HPSE: variants seen among roughly 807,000 people sequenced by gnomAD.
The protein encoded by HPSE is endo-glucoronidase.
A neutral mutation model predicts 65.1 loss-of-function variants in HPSE; 48 were observed. The observed-to-expected ratio is 0.74, with a 90% CI of 0.58 to 0.94. The LOEUF (loss-of-function observed/expected upper bound fraction) is 0.94. Among genes scored for constraint, HPSE ranks in the 40% least tolerant of loss-of-function variants. HPSE has a pLI of 0.00. For missense variants in HPSE, 644 were observed against 637.5 expected, an observed-to-expected ratio of 1.01 and a Z score of -0.11; for synonymous variants, 243 against 260.0, an observed-to-expected ratio of 0.93 and a Z score of 0.63.
intron 1 of HPSE, among the ~76,000 whole-genome samples, chr4:83,333,660 G>C (rs1737487050): frequency 6.6e-6 from 1 of 152,128 alleles, no homozygotes; most frequent in Admixed American, 6.5e-5. Flanking sequence ...ACCTGCATCA[G>C]GTTCCTTCTT....
intron 9 of HPSE, among the ~76,000 whole-genome samples, chr4:83,304,461 A>C (rs1345217126): frequency 6.6e-6 from 1 of 152,172 alleles, no homozygotes; most frequent in Non-Finnish European, 1.5e-5. Flanking sequence ...TAGTCTCCTA[A>C]AGTGGGTTCA....
chr4:83,323,705 T>A (rs1314867226), intron 1 of HPSE, among the ~76,000 whole-genome samples: 1 of 152,220 alleles, frequency 6.6e-6, no homozygotes, highest in African/African-American at 2.4e-5. Context: ...TATAGTATTC[T>A]AATTCCCATC....
chr4:83,313,012 ACTCTGTCTC>A (rs1736470126), intron 4 of HPSE, 93 bp downstream of exon 4: 1 of 827,830 alleles, frequency 1.2e-6, no homozygotes, highest in Non-Finnish European at 1.8e-6. Flanking sequence ...GCAGTGCGAG[ACTCTGTCTC>A]AAAAAAAAAA....
At position 83,301,895 on chromosome 4, in the gene HPSE, T is replaced by A. The variant is rs144069779; in HGVS notation, c.1325+255A>T. ...TCACTTGAACCCGGGAGGCGGAGGT[T>A]GCAGTGAGCTGAGATTGCACCACTG... On this transcript the variant is annotated intron_variant, in intron 10 of 11. Transcript: ENST00000311412. Among the ~76,000 whole-genome samples the A allele has an allele frequency of 3.5e-3, 540 of 152,262 alleles. 10 individuals are homozygous for A. In the East Asian group the frequency reaches 0.055, roughly 16 times the overall value.
chr4:83,311,074 TGA>T (rs1490159625), intron 4 of HPSE, among the ~76,000 whole-genome samples, 184 bp from the exon 5 acceptor site: 1 of 151,972 alleles, frequency 6.6e-6, no homozygotes, highest in Non-Finnish European at 1.5e-5. Context: ...TTTGGTAGGC[TGA>T]GACAGGAGGA....
chr4:83,319,445 G>A lies in HPSE; in HGVS notation c.398C>T (p.Pro133Leu). The change falls in exon 3 of 12, where the codon CCT becomes CTT. Residue 133 changes from proline to leucine, a missense_variant. Pro to Leu is a moderately conservative substitution (Grantham distance 98). Transcript: ENST00000311412. ...NQDICKYGSI[P>L]PDVEEKLRLE... The stretch of plus-strand genomic sequence containing the variant: ...CCGTAACTTCTCCTCCACATCAGGA[G>A]GGATGGATCCATATTTGCAAATATC... 2 of 1,613,868 alleles carry A rather than the reference G, an allele frequency of 1.2e-6. No homozygotes were observed. Among genetic ancestry groups the A allele is most frequent in the Non-Finnish European group, 1.7e-6 (2 of 1,179,804 alleles).
At chr4:83,312,631 T>C (rs1008034153) in intron 4 of HPSE, among the ~76,000 whole-genome samples, 1 of 134,892 alleles carries the variant, frequency 7.4e-6, no homozygotes, top group African/African-American at 2.8e-5. Flanking sequence ...TGAGCCGAGA[T>C]GGCGCCACTG....
In HPSE at chr4:83,302,111, A is replaced by G. The variant is rs754415279; in HGVS notation, c.1325+39T>C. 4.3e-6 allele frequency: 6 copies of G among 1,404,128 alleles called. No individual in the cohort carries two copies. In the Admixed American group the frequency reaches 6.8e-5, roughly 16 times the overall value. The allele number at this position is 1,404,128 out of a possible 1,614,324, so 87.0% of individuals were successfully genotyped here. ...GAGTAAAGTTACAGGCTTACCCACT[A>G]AAACTTGATGATTGGTAAAGGGTGT... On this transcript the variant is annotated intron_variant, in intron 10 of 11. Coordinates refer to ENST00000311412, the MANE Select transcript of HPSE (RefSeq NM_001098540.3).
rs373350138 is a variant in HPSE at position 83,334,739 on chromosome 4, A to G, written c.44T>C (p.Leu15Pro). 1.3e-4 allele frequency: 207 copies of G among 1,558,962 alleles called. No homozygotes were observed. Among genetic ancestry groups the G allele is most frequent in the Middle Eastern group, 1.8e-4 (1 of 5,484 alleles). Residue 15 changes from leucine to proline, a missense_variant, in exon 1 of 12, where the codon CTG becomes CCG. Physicochemically the swap from Leu to Pro is moderately conservative, Grantham distance 98. Coordinates refer to ENST00000311412, the MANE Select transcript of HPSE (RefSeq NM_001098540.3). The stretch of plus-strand genomic sequence containing the variant: ...GGGACCCAGCGGCCCCAGGAGCAGC[A>G]GCATCAGCGGCGGCGGCAGCGCAGG... ...SKPALPPPLM[L>P]LLLGPLGPLS...
intron 9 of HPSE, among the ~76,000 whole-genome samples, chr4:83,305,367 T>G (rs1337193346): frequency 6.6e-6 from 1 of 152,188 alleles, no homozygotes; most frequent in Non-Finnish European, 1.5e-5. Flanking sequence ...TAAAAAAAGA[T>G]GACTAATATG....
At chr4:83,313,406 TA>T in intron 3 of HPSE, 119 bp from the exon 4 acceptor site, 1 of 605,910 alleles carries the variant, frequency 1.7e-6, no homozygotes, top group Non-Finnish European at 2.7e-6. Flanking sequence ...CTAGTTCTAA[TA>T]AATGATTATA....
chr4:83,328,625 A>G (rs1469961253), intron 1 of HPSE, among the ~76,000 whole-genome samples: 1 of 152,178 alleles, frequency 6.6e-6, no homozygotes. Context: ...GGAGAGATTG[A>G]TTTTAGTGAC....
chr4:83,320,801 T>TC (rs1484856924), intron 2 of HPSE, among the ~76,000 whole-genome samples: 1 of 151,880 alleles, frequency 6.6e-6, no homozygotes, highest in African/African-American at 2.4e-5. Context: ...CCACCGACCA[T>TC]CCCCCTAGAC....
At chr4:83,302,013 CGTT>C (rs1225468372) in intron 10 of HPSE, 134 bp downstream of exon 10, 1 of 509,740 alleles carries the variant, frequency 2.0e-6, no homozygotes, top group Non-Finnish European at 3.5e-6. Flanking sequence ...AAAATAAAAT[CGTT>C]GTATAAAACT....
intron 4 of HPSE, among the ~76,000 whole-genome samples, chr4:83,312,053 G>T (rs1166906217): frequency 6.6e-6 from 1 of 152,184 alleles, no homozygotes; most frequent in Non-Finnish European, 1.5e-5. Flanking sequence ...GGTAATGAAG[G>T]TTGCAATGGG....
intron 3 of HPSE, 81 bp from the exon 4 acceptor site, chr4:83,313,368 C>T (rs1014176994): frequency 2.4e-6 from 2 of 840,726 alleles, no homozygotes; most frequent in African/African-American, 1.7e-5. Flanking sequence ...TAATGAATAA[C>T]TATTTCTGTT....
chr4:83,302,167 A>G lies in HPSE; in HGVS notation c.1308T>C (p.His436=), dbSNP rs748371922. 58 of 1,610,830 alleles carry G rather than the reference A, an allele frequency of 3.6e-5. 1 individual carries two copies. The East Asian group carries it at 1.2e-3, about 32-fold the overall frequency. ...ATACTTACTTGTCAGTGTTTGTGCAATGAAGGTATACTCGAAGCTTCCTTC... is the reference window on the plus strand; with the variant it reads ...ATACTTACTTGTCAGTGTTTGTGCAGTGAAGGTATACTCGAAGCTTCCTTC... ...SKRRKLRVYL[H]CTNTDNPRYK... Residue 436 remains histidine (H), a synonymous_variant, in exon 10 of 12, where the codon CAT becomes CAC. Coordinates refer to ENST00000311412, the MANE Select transcript of HPSE (RefSeq NM_001098540.3).
intron 1 of HPSE, among the ~76,000 whole-genome samples, chr4:83,323,011 T>TA (rs1200770622): frequency 2.6e-5 from 4 of 151,790 alleles, no homozygotes; most frequent in Admixed American, 2.6e-4. Context: ...GTTCAACACT[T>TA]AAAAAAAACT....
intron 4 of HPSE, among the ~76,000 whole-genome samples, chr4:83,312,154 C>G (rs6535457): frequency 0.8 from 121,043 of 152,068 alleles, 48,337 homozygotes; most frequent in East Asian, 0.87. Flanking sequence ...CTGAGTCCAG[C>G]TTGCCAAGCA....
Sources: gnomAD v4.1 joint callset for allele counts (sites outside exome capture counted in the v4.1 genomes callset) on GRCh38, gnomAD v4.1.1 for gene constraint, MANE v1.5 for transcripts, NCBI Gene and HGNC (gene_info 2026-07-23, HGNC 2026-07-21) for gene names.